The following DDB1 variants were observed in gnomAD, a reference collection of about 807,000 sequenced individuals.
DDB1 encodes DNA damage-binding protein 1.
Under a neutral mutation model 133.1 loss-of-function variants are expected in DDB1, and 18 were observed. The observed-to-expected ratio is 0.14, with a 90% confidence interval of 0.09 to 0.20. DDB1 has a LOEUF of 0.20. DDB1 is among the 10% of genes least tolerant of loss of function. The probability of loss-of-function intolerance (pLI) is 1.00; values close to 1 mark genes in which losing one functional copy is unlikely to be tolerated. For synonymous variants in DDB1, 580 were observed against 550.5 expected (o/e 1.05, Z -0.75); for missense variants, 828 against 1,459.2 (o/e 0.57, Z 7.05).
At chr11:61,323,125 G>T (rs370685032) in intron 7 of DDB1, 31 bp from the exon 8 acceptor site, 3 of 1,583,466 alleles carry the variant, frequency 1.9e-6, no homozygotes, top group East Asian at 2.2e-5. Context: ...TGAAAGAAAT[G>T]AGAATGGACC....
Position 61,326,767 on chromosome 11 carries a change from C to T in DDB1, c.664+12G>A. On this transcript the variant is annotated intron_variant, in intron 5 of 26. Coordinates refer to ENST00000301764, the MANE Select transcript of DDB1 (RefSeq NM_001923.5). ...CCCAGGTGGAGGCACATTTCCTAAA[C>T]CCCCTACCAACCTGCGATCACCATG... 1 of 1,611,384 alleles carries T rather than the reference C, an allele frequency of 6.2e-7. No individual in the cohort carries two copies. The highest frequency in any genetic ancestry group is 8.5e-7 in the Non-Finnish European group (1 of 1,177,536).
chr11:61,313,223 A>T (rs932799344), intron 16 of DDB1, among the ~76,000 whole-genome samples: 3 of 152,166 alleles, frequency 2.0e-5, no homozygotes, highest in African/African-American at 7.2e-5. Flanking sequence ...TAAATTAGGG[A>T]TTATGAAACA....
Position 61,314,309 on chromosome 11 carries a change from T to C in DDB1, c.1588A>G (p.Ser530Gly). The change falls in exon 13 of 27, where the codon AGC (serine) becomes GGC (glycine). Residue 530 changes from serine (S) to glycine (G), a missense_variant and splice_region_variant. Ser to Gly is a moderately conservative substitution (Grantham distance 56, BLOSUM62 0). Coordinates refer to ENST00000301764, the MANE Select transcript of DDB1 (RefSeq NM_001923.5). ...QIHPQELRQISHTEMEHEVAC... is the reference protein window; with the variant it reads ...QIHPQELRQIGHTEMEHEVAC... ...GAGCAGACAGAAAAACACACACACCTGATCTGCCGGAGCTCCTGAGGATGG... is the reference window on the plus strand; with the variant it reads ...GAGCAGACAGAAAAACACACACACCCGATCTGCCGGAGCTCCTGAGGATGG... The C allele has an allele frequency of 6.2e-7, 1 of 1,610,096 alleles. No individual in the cohort carries two copies.
At position 61,311,876 on chromosome 11, in the gene DDB1, C is replaced by A; in HGVS notation, c.2185G>T (p.Val729Leu). Residue 729 changes from valine (V) to leucine (L), a missense_variant, in exon 18 of 27, where the codon GTG becomes TTG. Transcript: ENST00000301764. ...GAGAGGACCCCGAAACACTGGGACA[C>A]TTCCTGGTAGCAGATCTTCCTGCAG... ...ESPRKICYQE[V>L]SQCFGVLSSR... The A allele has an allele frequency of 6.2e-7, 1 of 1,614,224 alleles. No homozygotes were observed. The highest frequency in any genetic ancestry group is 8.5e-7 in the Non-Finnish European group (1 of 1,180,042).
intron 12 of DDB1, chr11:61,315,748 C>T (rs567749778): frequency 1.3e-5 from 2 of 152,706 alleles, no homozygotes; most frequent in African/African-American, 4.8e-5. Context: ...TCGTGGATAA[C>T]AATATGCCAG....
chr11:61,302,531 G>C (rs780369440), intron 24 of DDB1, 51 bp downstream of exon 24: 3 of 1,608,218 alleles, frequency 1.9e-6, no homozygotes, highest in Non-Finnish European at 2.6e-6. Flanking sequence ...CAGAATGCTG[G>C]TATCAGGAAG....
intron 19 of DDB1, 54 bp downstream of exon 19, chr11:61,310,241 C>A (rs904387236): frequency 3.8e-6 from 6 of 1,576,122 alleles, no homozygotes; most frequent in Non-Finnish European, 5.2e-6. Context: ...GAGCCCAGAA[C>A]AGCCTGGATT....
intron 10 of DDB1, 90 bp downstream of exon 10, chr11:61,321,505 T>C: frequency 1.8e-6 from 2 of 1,131,532 alleles, no homozygotes; most frequent in Non-Finnish European, 2.7e-6. Flanking sequence ...TCTGCTTTCC[T>C]CTGGCTCCCA....
intron 8 of DDB1, 34 bp from the exon 9 acceptor site, chr11:61,322,446 G>GT (rs1267832436): frequency 1.9e-6 from 3 of 1,546,632 alleles, no homozygotes; most frequent in Non-Finnish European, 2.7e-6. Flanking sequence ...GTTAGTCCTA[G>GT]AACACCCTAA....
At chr11:61,325,923 C>T in intron 5 of DDB1, 1 of 627,794 alleles carries the variant, frequency 1.6e-6, no homozygotes. Context: ...TTTACTGCCA[C>T]TCTTCTGGTG....
chr11:61,331,391 G>T, intron 2 of DDB1, 152 bp downstream of exon 2: 1 of 1,011,492 alleles, frequency 9.9e-7, no homozygotes, highest in Non-Finnish European at 1.4e-6. Context: ...GGCTAAAGTG[G>T]AGGGATTGCT....
intron 9 of DDB1, 172 bp downstream of exon 9, chr11:61,322,124 G>A: frequency 1.5e-6 from 1 of 650,950 alleles, no homozygotes; most frequent in Non-Finnish European, 2.8e-6. Flanking sequence ...AAAGTGCCTG[G>A]CAGACCAAGA....
At position 61,300,070 on chromosome 11, in the gene DDB1, G is replaced by T; in HGVS notation, c.*66C>A. 1 of 1,523,806 alleles carries T rather than the reference G, an allele frequency of 6.6e-7. No homozygotes were observed. Among genetic ancestry groups the T allele is most frequent in the Non-Finnish European group, 9.1e-7 (1 of 1,100,068 alleles). The allele number at this position is 1,523,806 out of a possible 1,614,324, so 94.4% of individuals were successfully genotyped here. ...CCATGGCCAAGAAGACGATGGTGGAGAGGAGGGGGAGGGCAGCAGGGCAAA... is the reference window on the plus strand; with the variant it reads ...CCATGGCCAAGAAGACGATGGTGGATAGGAGGGGGAGGGCAGCAGGGCAAA... On this transcript the variant is annotated 3_prime_UTR_variant, in exon 27 of 27. Coordinates refer to ENST00000301764, the MANE Select transcript of DDB1 (RefSeq NM_001923.5).
intron 26 of DDB1, 46 bp from the exon 27 acceptor site, chr11:61,300,265 C>G: frequency 2.5e-6 from 4 of 1,587,210 alleles, no homozygotes; most frequent in African/African-American, 1.3e-5. Context: ...AGAGGGTGCT[C>G]TCCCACAGGT....
chr11:61,332,909 G>C lies in DDB1; in HGVS notation c.60C>G (p.Thr20=), dbSNP rs758163251. Residue 20 remains threonine, a splice_region_variant and synonymous_variant, in exon 1 of 27, where the codon ACC becomes ACG. Coordinates refer to ENST00000301764, the MANE Select transcript of DDB1 (RefSeq NM_001923.5). ...GGTCTCCGGCCCCGGCAGCCTCACC[G>C]GTCACGCAGCCGTTCACGGCGGTGG... ...QKPTAVNGCV[T]GHFTSAEDLN... is the part of the protein sequence containing the mutation. 1.7e-5 allele frequency: 25 copies of C among 1,491,692 alleles called. No individual in the cohort carries two copies. The highest frequency in any genetic ancestry group is 9.0e-7 in the Non-Finnish European group (1 of 1,111,594). The allele number at this position is 1,491,692 out of a possible 1,614,324, so 92.4% of individuals were successfully genotyped here. A position where few individuals can be genotyped will look rare whatever the true frequency, so the allele number is the denominator to read the frequency against.
chr11:61,333,040 T>A lies in DDB1; in HGVS notation c.-72A>T, dbSNP rs550360727. The stretch of plus-strand genomic sequence containing the variant: ...AGAGGGACACAAGCGAAAAGACAGG[T>A]GGCCCCCAACAGCGCGCAGCGAACT... On this transcript the variant is annotated 5_prime_UTR_variant, in exon 1 of 27. Coordinates refer to ENST00000301764, the MANE Select transcript of DDB1 (RefSeq NM_001923.5). 2 of 1,380,840 alleles carry A rather than the reference T, an allele frequency of 1.4e-6. No homozygotes were observed. Among genetic ancestry groups the A allele is most frequent in the African/African-American group, 1.5e-5 (1 of 66,346 alleles). 85.5% of individuals were successfully genotyped at this position (1,380,840 alleles called of 1,614,324 possible).
chr11:61,322,848 A>C, intron 8 of DDB1, 163 bp downstream of exon 8: 1 of 641,216 alleles, frequency 1.6e-6, no homozygotes. Context: ...CACAAAGGCA[A>C]AGAGCTAGTC....
chr11:61,324,767 G>C (rs1856242306), intron 6 of DDB1, among the ~76,000 whole-genome samples: 1 of 152,136 alleles, frequency 6.6e-6, no homozygotes, highest in Non-Finnish European at 1.5e-5. Flanking sequence ...CTAAGTCCTT[G>C]ACATTTTTGA....
chr11:61,324,118 T>A lies in DDB1; in HGVS notation c.782A>T (p.His261Leu), dbSNP rs1449237041. The change falls in exon 7 of 27, where the codon CAC becomes CTC. Residue 261 changes from histidine to leucine, a missense_variant. By Grantham distance (99) the His-to-Leu change is moderately conservative (BLOSUM62 -3). Transcript: ENST00000301764. ...PIIKQSTIVC[H>L]NRVDPNGSRY... is the part of the protein sequence containing the mutation. ...TGAGCCATTAGGGTCCACTCGATTG[T>A]GGCACACAATCGTGCTTTGCTGCCA... 3 of 1,614,136 alleles carry A rather than the reference T, an allele frequency of 1.9e-6. No individual in the cohort carries two copies. The highest frequency in any genetic ancestry group is 2.2e-5 in the East Asian group (1 of 44,870).
Sources: gnomAD v4.1 joint callset for allele counts (sites outside exome capture counted in the v4.1 genomes callset) on GRCh38, gnomAD v4.1.1 for gene constraint, MANE v1.5 for transcripts, NCBI Gene and HGNC (gene_info 2026-07-23, HGNC 2026-07-21) for gene names.